Variants in CDHR3 observed in about 807,000 individuals in gnomAD.
CDHR3 encodes cadherin-related family member 3.
A neutral mutation model predicts 86.6 loss-of-function variants in CDHR3; 79 were observed. The observed-to-expected ratio is 0.91, with a 90% CI of 0.76 to 1.10. CDHR3 has a LOEUF of 1.10. Among genes scored for constraint, CDHR3 ranks in the 50% least tolerant of loss-of-function variants. CDHR3 has a pLI of 0.00. For synonymous variants in CDHR3, 421 were observed against 402.4 expected, an observed-to-expected ratio of 1.05 and a Z score of -0.55; for missense variants, 1,081 against 1,077.6, an observed-to-expected ratio of 1.00 and a Z score of -0.04.
intron 16 of CDHR3, among the ~76,000 whole-genome samples, chr7:106,027,492 G>C (rs1388810847): frequency 6.6e-6 from 1 of 152,064 alleles, no homozygotes; most frequent in Non-Finnish European, 1.5e-5. Context: ...TGAGAAGGGG[G>C]AGATGAGGGT....
Position 105,984,201 on chromosome 7 carries a change from T to A in CDHR3, c.425T>A (p.Leu142His), listed in dbSNP as rs760558658. Residue 142 changes from leucine to histidine, a missense_variant, in exon 4 of 19, where the codon CTC (leucine) becomes CAC (histidine). By Grantham distance (99) the Leu-to-His change is moderately conservative (BLOSUM62 -3). Transcript: ENST00000317716. ...TTGGACACTGGTCTAGGTCTACACC[T>A]CTACATAGTAGAAAGAGCAAACCCT... is the stretch of plus-strand genomic sequence containing the variant. Reference protein sequence around the residue: ...FQGNLAEGLHLYIVERANPGF... With the variant: ...FQGNLAEGLHHYIVERANPGF... The A allele has an allele frequency of 1.4e-5, 22 of 1,605,324 alleles. No homozygotes were observed. The highest frequency in any genetic ancestry group is 1.4e-5 in the Non-Finnish European group (17 of 1,174,090).
intron 4 of CDHR3, among the ~76,000 whole-genome samples, chr7:105,989,236 C>G (rs1248662710): frequency 6.6e-6 from 1 of 150,530 alleles, no homozygotes; most frequent in Non-Finnish European, 1.5e-5. Flanking sequence ...CTCTTCTCCA[C>G]TTTCTGAAGG....
intron 6 of CDHR3, among the ~76,000 whole-genome samples, chr7:105,997,373 AG>A (rs1832416005): frequency 1.3e-5 from 2 of 150,940 alleles, no homozygotes; most frequent in African/African-American, 4.9e-5. Flanking sequence ...CCTGGGCTGC[AG>A]TTCCTTTTTC....
Position 105,994,810 on chromosome 7 carries a change from C to A in CDHR3, c.573C>A (p.Ser191=). Residue 191 remains serine (S), a synonymous_variant, in exon 5 of 19, where the codon TCC becomes TCA. Coordinates refer to ENST00000317716, the MANE Select transcript of CDHR3 (RefSeq NM_152750.5). ...FRMSANGTLF[S]TTELDFEAGH... is the part of the protein sequence containing the mutation. ...TGTCTGCTAATGGCACCCTCTTCTC[C>A]ACAACAGAATTGGACTTTGAAGCAG... 1 of 1,612,318 alleles carries A rather than the reference C, an allele frequency of 6.2e-7. No individual in the cohort carries two copies. The highest frequency in any genetic ancestry group is 2.2e-5 in the East Asian group (1 of 44,874).
chr7:106,028,916 T>TTTGC (rs1837800108), intron 17 of CDHR3, among the ~76,000 whole-genome samples: 1 of 82,998 alleles, frequency 1.2e-5, no homozygotes, highest in Non-Finnish European at 2.6e-5. Flanking sequence ...GAGATTTAAA[T>TTTGC]TTTCTTTCTT....
rs777063092 is a variant in CDHR3 at position 106,020,366 on chromosome 7, A to C, written c.1654-7A>C. Reference sequence around the variant, plus strand: ...TATTGAGAATGACCACCTTCTTGCTACTCTAGGTTACTGTGAACATCCTTG... The same window carrying C: ...TATTGAGAATGACCACCTTCTTGCTCCTCTAGGTTACTGTGAACATCCTTG... On this transcript the variant is annotated splice_region_variant and splice_polypyrimidine_tract_variant and intron_variant, in intron 12 of 18. Coordinates refer to ENST00000317716, the MANE Select transcript of CDHR3 (RefSeq NM_152750.5). 6.3e-7 allele frequency: 1 copy of C among 1,596,622 alleles called. No homozygotes were observed. Among genetic ancestry groups the C allele is most frequent in the Non-Finnish European group, 8.5e-7 (1 of 1,170,732 alleles).
At chr7:105,980,503 A>G (rs1482495275) in intron 2 of CDHR3, among the ~76,000 whole-genome samples, 3 of 150,298 alleles carry the variant, frequency 2.0e-5, no homozygotes, top group Non-Finnish European at 2.9e-5. Flanking sequence ...TACAGGTGCC[A>G]TGTTCTTAAC....
Position 106,030,981 on chromosome 7 carries a change from C to A in CDHR3, c.2353+141C>A. 1 of 774,116 alleles carries A rather than the reference C, an allele frequency of 1.3e-6. No homozygotes were observed. 48.0% of individuals were successfully genotyped at this position (774,116 alleles called of 1,614,324 possible). On this transcript the variant is annotated intron_variant, in intron 18 of 18. Coordinates refer to ENST00000317716, the MANE Select transcript of CDHR3 (RefSeq NM_152750.5). This position sits in a 1 kb window ranked among gnomAD's most constrained non-coding sequence, Gnocchi z 4.8. ...TGTTGCCTATATAGTGCTGACTCTT[C>A]TAGGCTAAATACAACGTGAGATCAG...
intron 16 of CDHR3, among the ~76,000 whole-genome samples, 151 bp downstream of exon 16, chr7:106,026,846 C>T (rs959294020): frequency 9.2e-5 from 14 of 152,170 alleles, no homozygotes; most frequent in South Asian, 4.1e-4. Context: ...AAGCGGAGGT[C>T]GGTTGCAGCT....
chr7:106,004,953 A>C, intron 8 of CDHR3: 2 of 440,172 alleles, frequency 4.5e-6, no homozygotes, highest in Non-Finnish European at 8.1e-6. Context: ...TCCCTTCTAT[A>C]TCTGGCTCAT....
chr7:106,019,541 G>A (rs1752514856), intron 12 of CDHR3, among the ~76,000 whole-genome samples: 1 of 152,138 alleles, frequency 6.6e-6, no homozygotes, highest in African/African-American at 2.4e-5. Context: ...TTTTTAAAAG[G>A]GGTGATGAAC....
chr7:105,989,214 C>CT (rs1830976673), intron 4 of CDHR3, among the ~76,000 whole-genome samples: 2 of 116,840 alleles, frequency 1.7e-5, no homozygotes, highest in African/African-American at 6.8e-5. Context: ...CTTTGGGTAC[C>CT]CACCCCCCCA....
chr7:106,024,299 A>G, intron 14 of CDHR3, 82 bp from the exon 15 acceptor site: 1 of 1,226,064 alleles, frequency 8.2e-7, no homozygotes, highest in Non-Finnish European at 1.2e-6. Flanking sequence ...AAAGAGTGGA[A>G]TAAACACTCA....
intron 9 of CDHR3, among the ~76,000 whole-genome samples, chr7:106,013,684 C>G (rs1239208414): frequency 6.6e-6 from 1 of 152,126 alleles, no homozygotes; most frequent in Non-Finnish European, 1.5e-5. Flanking sequence ...CTACCCTTCC[C>G]CTCACCCAGC....
In CDHR3 at chr7:106,024,573, A is replaced by T; in HGVS notation, c.2258+11A>T. ...GAACAAGGAACCTCTGTAAGTTGCC[A>T]GTGGGCTGGGCCCTCTTCCCCACCT... On this transcript the variant is annotated intron_variant, in intron 15 of 18. Transcript: ENST00000317716. 1 of 1,613,668 alleles carries T rather than the reference A, an allele frequency of 6.2e-7. No homozygotes were observed. The highest frequency in any genetic ancestry group is 8.5e-7 in the Non-Finnish European group (1 of 1,179,726).
At chr7:106,003,929 A>G (rs1026464856) in intron 7 of CDHR3, among the ~76,000 whole-genome samples, 34 of 143,254 alleles carry the variant, frequency 2.4e-4, no homozygotes, top group African/African-American at 8.9e-4. Flanking sequence ...TTTTTTTCTG[A>G]GCATATTTAT....
rs78686736 is a variant in CDHR3 at position 106,013,841 on chromosome 7, C to G, written c.1224+810C>G. Among the ~76,000 whole-genome samples, 611 of 152,314 alleles carry G rather than the reference C, an allele frequency of 4.0e-3. 4 individuals carry two copies. The highest frequency in any genetic ancestry group is 0.014 in the African/African-American group (580 of 41,570). On this transcript the variant is annotated intron_variant, in intron 9 of 18. Coordinates refer to ENST00000317716, the MANE Select transcript of CDHR3 (RefSeq NM_152750.5). ...TTCTCTGTAGAAAATATAGAAAGCA[C>G]AGAAAAGCATCACCATTCACTGATA...
At position 105,981,001 on chromosome 7, in the gene CDHR3, G is replaced by T; in HGVS notation, c.283G>T (p.Glu95Ter). 6.2e-7 allele frequency: 1 copy of T among 1,610,156 alleles called. No individual in the cohort carries two copies. The highest frequency in any genetic ancestry group is 8.5e-7 in the Non-Finnish European group (1 of 1,178,128). Residue 95 changes from glutamate (E) to a stop codon, truncating the protein, a stop_gained, in exon 3 of 19, where the codon GAA becomes TAA. Coordinates refer to ENST00000317716, the MANE Select transcript of CDHR3 (RefSeq NM_152750.5). LOFTEE classifies it high-confidence loss of function. The part of the protein sequence containing the change: ...VTTGMEQLDF[E>*]TGPNIFDLQI... ...CACTGGGATGGAACAACTAGATTTT[G>T]AAACAGGACCAAACATATTTGATTT...
chr7:105,986,867 GAGA>G (rs1396480296), intron 4 of CDHR3, among the ~76,000 whole-genome samples: 5 of 152,112 alleles, frequency 3.3e-5, no homozygotes, highest in African/African-American at 1.2e-4. Context: ...TCCTGCTTCT[GAGA>G]AGGTTTTCTT....
Sources: allele counts gnomAD v4.1 joint callset (sites outside exome capture counted in the v4.1 genomes callset), GRCh38; gene constraint gnomAD v4.1.1; non-coding constraint Gnocchi (gnomAD v3.1); transcripts MANE v1.5; gene names NCBI Gene and HGNC (gene_info 2026-07-23, HGNC 2026-07-21).